PLCB1: variants seen among roughly 807,000 people sequenced by gnomAD.
PLCB1 encodes phospholipase C beta 1.
A neutral mutation model predicts 161.8 loss-of-function variants in PLCB1; 46 were observed. That is an observed-to-expected ratio of 0.28 (90% CI 0.22 to 0.36). PLCB1 has a LOEUF of 0.36. Among genes scored for constraint, PLCB1 ranks in the 10% least tolerant of loss-of-function variants. The pLI, the probability that PLCB1 is intolerant of heterozygous loss-of-function variation, is 1.00. For synonymous variants in PLCB1, 517 were observed against 503.7 expected, an observed-to-expected ratio of 1.03 and a Z score of -0.35; for missense variants, 1,016 against 1,472.5, an observed-to-expected ratio of 0.69 and a Z score of 5.07.
At chr20:8,301,099 T>A (rs1309007748) in intron 2 of PLCB1, among the ~76,000 whole-genome samples, 1 of 152,120 alleles carries the variant, frequency 6.6e-6, no homozygotes, top group Non-Finnish European at 1.5e-5. Context: ...TGGTTACAAT[T>A]CCATTATTAC....
At chr20:8,295,980 T>C (rs1019658877) in intron 2 of PLCB1, among the ~76,000 whole-genome samples, 2 of 152,216 alleles carry the variant, frequency 1.3e-5, no homozygotes, top group Admixed American at 1.3e-4. Flanking sequence ...CCTCCAAGTT[T>C]ACTTATTTTT....
chr20:8,776,444 C>T (rs1982948253), intron 27 of PLCB1, among the ~76,000 whole-genome samples: 2 of 152,078 alleles, frequency 1.3e-5, no homozygotes, highest in Non-Finnish European at 2.9e-5. Context: ...CTCTGGTGTC[C>T]TGCTCACACA....
At chr20:8,633,973 T>C (rs1454261255) in intron 4 of PLCB1, among the ~76,000 whole-genome samples, 1 of 152,212 alleles carries the variant, frequency 6.6e-6, no homozygotes, top group Non-Finnish European at 1.5e-5. Context: ...GTTTGTCCAT[T>C]CTCTTTGCTA....
At chr20:8,218,166 G>C (rs559078159) in intron 2 of PLCB1, among the ~76,000 whole-genome samples, 1 of 152,138 alleles carries the variant, frequency 6.6e-6, no homozygotes, top group African/African-American at 2.4e-5. Flanking sequence ...GGCATGTGCA[G>C]TGAACAAGGC....
At chr20:8,690,788 T>C (rs1990459236) in intron 10 of PLCB1, among the ~76,000 whole-genome samples, 1 of 152,190 alleles carries the variant, frequency 6.6e-6, no homozygotes, top group Non-Finnish European at 1.5e-5. Context: ...CATCTTTGTT[T>C]TAAAATCAAA....
At chr20:8,626,071 G>A (rs140432445) in intron 3 of PLCB1, among the ~76,000 whole-genome samples, 11 of 151,516 alleles carry the variant, frequency 7.3e-5, no homozygotes, top group Admixed American at 3.3e-4. Context: ...CCAGCTACTC[G>A]GGAGGCTGAG....
intron 3 of PLCB1, among the ~76,000 whole-genome samples, chr20:8,384,990 G>C (rs1242326405): frequency 6.6e-6 from 1 of 152,186 alleles, no homozygotes. Context: ...CCACGTTGGA[G>C]GGTCTTACCC....
At chr20:8,705,407 A>G (rs1456469509) in intron 11 of PLCB1, among the ~76,000 whole-genome samples, 1 of 152,220 alleles carries the variant, frequency 6.6e-6, no homozygotes, top group African/African-American at 2.4e-5. Context: ...AGCATCTAGA[A>G]TGTGCCTTAG....
rs150838840 is a variant in PLCB1, at chr20:8,557,994, G to A, written c.247-70300G>A. Reference sequence around the variant, plus strand: ...GACTTTAAATCAACTCTTACAAAACGGGTGATTACCAGAGCCTGGGAAGGA... The same window carrying A: ...GACTTTAAATCAACTCTTACAAAACAGGTGATTACCAGAGCCTGGGAAGGA... On this transcript the variant is annotated intron_variant, in intron 3 of 31. Transcript: ENST00000338037. Among the ~76,000 whole-genome samples the A allele has an allele frequency of 5.9e-5, 9 of 151,880 alleles. No homozygotes were observed. The East Asian group carries it at 7.8e-4, about 13-fold the overall frequency.
At chr20:8,240,344 T>C (rs62195862) in intron 2 of PLCB1, among the ~76,000 whole-genome samples, 15,838 of 151,892 alleles carry the variant, frequency 0.1, 1,124 homozygotes, top group Non-Finnish European at 0.16. Context: ...CAGTATTTAA[T>C]GTATGTTCAA....
intron 3 of PLCB1, among the ~76,000 whole-genome samples, chr20:8,549,971 C>T (rs565412538): frequency 6.6e-6 from 1 of 152,292 alleles, no homozygotes; most frequent in Admixed American, 6.5e-5. Flanking sequence ...TTGTAAGTTT[C>T]CTGAGGCCTT....
intron 3 of PLCB1, among the ~76,000 whole-genome samples, chr20:8,572,043 A>G (rs1600161513): frequency 1.3e-5 from 2 of 152,306 alleles, no homozygotes; most frequent in South Asian, 4.1e-4. Flanking sequence ...AAAAATTAAA[A>G]TTGTTTATTA....
chr20:8,396,188 A>G (rs2122452412), intron 3 of PLCB1, among the ~76,000 whole-genome samples: 1 of 152,214 alleles, frequency 6.6e-6, no homozygotes, highest in Admixed American at 6.5e-5. Flanking sequence ...AAACCATATA[A>G]CTACAGAAGT....
intron 15 of PLCB1, among the ~76,000 whole-genome samples, chr20:8,724,179 A>AT (rs1979806100): frequency 9.6e-4 from 1 of 1,044 alleles, no homozygotes; most frequent in African/African-American, 0.028. Context: ...TTATTTATAT[A>AT]AAAAAAAAAA....
intron 3 of PLCB1, among the ~76,000 whole-genome samples, chr20:8,590,843 G>T (rs772852439): frequency 1.3e-5 from 2 of 151,988 alleles, no homozygotes; most frequent in Non-Finnish European, 2.9e-5. Context: ...AAGTTCTGGG[G>T]TCCATGTGCA....
At chr20:8,187,272 C>A (rs1239698367) in intron 2 of PLCB1, among the ~76,000 whole-genome samples, 1 of 152,124 alleles carries the variant, frequency 6.6e-6, no homozygotes, top group Non-Finnish European at 1.5e-5. Context: ...TGATCCTTCA[C>A]CTCCCCCAGT....
At chr20:8,221,339 A>G (rs1205907833) in intron 2 of PLCB1, among the ~76,000 whole-genome samples, 1 of 152,168 alleles carries the variant, frequency 6.6e-6, no homozygotes, top group African/African-American at 2.4e-5. Context: ...AAACTGGTCA[A>G]TTAACTTCAC....
At chr20:8,311,228 AATGTTCTTCATTGT>A (rs1984386333) in intron 2 of PLCB1, among the ~76,000 whole-genome samples, 1 of 152,270 alleles carries the variant, frequency 6.6e-6, no homozygotes, top group African/African-American at 2.4e-5. Flanking sequence ...CTGTAAAAAT[AATGTTCTTCATTGT>A]AAAATCTAGA....
chr20:8,736,713 T>A (rs1980604338), intron 19 of PLCB1, among the ~76,000 whole-genome samples: 1 of 152,112 alleles, frequency 6.6e-6, no homozygotes, highest in African/African-American at 2.4e-5. Flanking sequence ...ACACACTTAT[T>A]AAACCATCAG....
Sources: allele counts gnomAD v4.1 joint callset (sites outside exome capture counted in the v4.1 genomes callset), GRCh38; gene constraint gnomAD v4.1.1; transcripts MANE v1.5; gene names NCBI Gene and HGNC (gene_info 2026-07-23, HGNC 2026-07-21).